SDE2: variants seen among roughly 807,000 people sequenced by gnomAD.
SDE2 encodes the protein spliceosome associated SDE2.
In SDE2, 31 loss-of-function variants were observed where a neutral mutation model predicts 46.9. The observed-to-expected ratio is 0.66, with a 90% CI of 0.50 to 0.89. The LOEUF is 0.89. Ranked by LOEUF, SDE2 falls within the 40% of genes least tolerant of loss-of-function variation. The pLI, the probability that SDE2 is intolerant of heterozygous loss-of-function variation, is 0.00. For missense variants in SDE2, 542 were observed against 564.4 expected (o/e 0.96, Z 0.40); for synonymous variants, 205 against 204.3 (o/e 1.00, Z -0.03).
chr1:225,992,498 C>A lies in SDE2; in HGVS notation c.420G>T (p.Leu140=). ...GCTTGGGTTCTACAAGCTTCCGCTG[C>A]AGTCGCTCCAGCCGCTTCTGCTCCT... is the stretch of plus-strand genomic sequence containing the variant. ...AEKEQKRLER[L]QRKLVEPKHC... is the part of the protein sequence containing the mutation. Residue 140 remains leucine, a synonymous_variant, in exon 4 of 7, where the codon CTG becomes CTT. Coordinates refer to ENST00000272091, the MANE Select transcript of SDE2 (RefSeq NM_152608.4). The A allele has an allele frequency of 2.5e-6, 4 of 1,612,808 alleles. No homozygotes were observed. The highest frequency in any genetic ancestry group is 3.4e-6 in the Non-Finnish European group (4 of 1,179,492).
chr1:225,988,685 C>T (rs979125288), intron 5 of SDE2, among the ~76,000 whole-genome samples: 1 of 152,046 alleles, frequency 6.6e-6, no homozygotes, highest in African/African-American at 2.4e-5. Flanking sequence ...GACGAGATCG[C>T]GCCATTGTAC....
Position 225,995,379 on chromosome 1 carries a change from A to T in SDE2, c.125T>A (p.Val42Asp). Residue 42 changes from valine (V) to aspartate (D), a missense_variant, in exon 2 of 7, where the codon GTT becomes GAT. Physicochemically the swap from Val to Asp is radical, Grantham distance 152. This residue lies in a region of SDE2 where 135 missense variants were observed against 106.5 expected (regional missense o/e 1.27). Transcript: ENST00000272091. ...FIHRHCQDQN[V>D]PVENFFVKCN... ...TTTCACAAAGAAGTTTTCCACTGGA[A>T]CATTCTAGAGACAAATTTGTTTTTT... 1 of 1,575,024 alleles carries T rather than the reference A, an allele frequency of 6.3e-7. No individual in the cohort carries two copies. Among genetic ancestry groups the T allele is most frequent in the Non-Finnish European group, 8.7e-7 (1 of 1,146,156 alleles).
intron 4 of SDE2, among the ~76,000 whole-genome samples, chr1:225,992,180 G>A (rs1365605941): frequency 6.6e-6 from 1 of 151,692 alleles, no homozygotes; most frequent in Non-Finnish European, 1.5e-5. Context: ...ACTCCGTTTT[G>A]GGGGGAAAAA....
intron 6 of SDE2, 87 bp downstream of exon 6, chr1:225,987,809 A>T: frequency 1.7e-6 from 2 of 1,200,924 alleles, no homozygotes; most frequent in South Asian, 3.0e-5. Context: ...TAAGCAGCTG[A>T]GGGGCAAAAG....
In SDE2 at chr1:225,992,877, GGT is replaced by G. The variant is rs749270074; in HGVS notation, c.350+12_350+13del. 2.7e-6 allele frequency: 4 copies of G among 1,472,096 alleles called. No homozygotes were observed. The Admixed American group carries it at 6.7e-5, about 25-fold the overall frequency. 91.2% of individuals were successfully genotyped at this position (1,472,096 alleles called of 1,614,324 possible). A position where few individuals can be genotyped will look rare whatever the true frequency, so the allele number is the denominator to read the frequency against. Reference sequence around the variant, plus strand: ...GTCTCTCCTCAAAAACACAAAAAAAGGTGGGCATCTTACGCTTTTTCATGATT... The same window carrying G: ...GTCTCTCCTCAAAAACACAAAAAAAGGGGCATCTTACGCTTTTTCATGATT... On this transcript the variant is annotated intron_variant, in intron 3 of 6. Transcript: ENST00000272091.
intron 2 of SDE2, among the ~76,000 whole-genome samples, chr1:225,994,773 T>C (rs545296747): frequency 2.2e-4 from 33 of 152,198 alleles, no homozygotes; most frequent in Non-Finnish European, 4.3e-4. Flanking sequence ...GAGCCTAGGT[T>C]CCCTAAGAGC....
chr1:225,998,535 GCTTA>G lies in SDE2; in HGVS notation c.120+654_120+657del, dbSNP rs1470022537. 3.3e-5 allele frequency among the ~76,000 whole-genome samples: 5 copies of G among 152,312 alleles called. No individual in the cohort carries two copies. In the East Asian group the frequency reaches 9.6e-4, roughly 29 times the overall value. The stretch of plus-strand genomic sequence containing the variant: ...GTTTAATATCTTATAGCTGGTAAAA[GCTTA>G]CTTACTTGAAAGTTCAGTAAAAGCT... On this transcript the variant is annotated intron_variant, in intron 1 of 6. Transcript: ENST00000272091.
intron 5 of SDE2, among the ~76,000 whole-genome samples, chr1:225,990,815 A>G (rs1264498808): frequency 1.3e-5 from 2 of 152,198 alleles, no homozygotes; most frequent in Non-Finnish European, 2.9e-5. Flanking sequence ...GACAAGAAAA[A>G]GTACTGCTGT....
In SDE2 at chr1:225,999,284, A is replaced by G. The variant is rs913176329; in HGVS notation, c.29T>C (p.Ile10Thr). The change falls in exon 1 of 7, where the codon ATT (isoleucine) becomes ACT (threonine). Residue 10 changes from isoleucine to threonine, a missense_variant. Physicochemically the swap from Ile to Thr is moderately conservative, Grantham distance 89 (BLOSUM62 -1). Coordinates refer to ENST00000272091, the MANE Select transcript of SDE2 (RefSeq NM_152608.4). ...CTTGCACCCGAAGCCAGGGCCGCGA[A>G]TCCACACCAGCGCCGCGGCCTCCGC... Reference protein sequence around the residue: MAEAAALVWIRGPGFGCKAV... With the variant: MAEAAALVWTRGPGFGCKAV... 1 of 1,612,018 alleles carries G rather than the reference A, an allele frequency of 6.2e-7. No individual in the cohort carries two copies.
Position 225,995,374 on chromosome 1 carries a change from C to A in SDE2, c.130G>T (p.Val44Leu), listed in dbSNP as rs760382345. Residue 44 changes from valine to leucine, a missense_variant, in exon 2 of 7, where the codon GTG becomes TTG. Around this residue, in one of 3 missense-constraint regions of SDE2, gnomAD observed 135 missense variants for 106.5 expected, o/e 1.27. Transcript: ENST00000272091. ...TTGCATTTCACAAAGAAGTTTTCCACTGGAACATTCTAGAGACAAATTTGT... is the reference window on the plus strand; with the variant it reads ...TTGCATTTCACAAAGAAGTTTTCCAATGGAACATTCTAGAGACAAATTTGT... ...HRHCQDQNVP[V>L]ENFFVKCNGA... 1 of 1,584,398 alleles carries A rather than the reference C, an allele frequency of 6.3e-7. No individual in the cohort carries two copies. The highest frequency in any genetic ancestry group is 1.1e-5 in the South Asian group (1 of 90,054).
At chr1:225,997,406 T>C (rs1656553022) in intron 1 of SDE2, among the ~76,000 whole-genome samples, 1 of 152,202 alleles carries the variant, frequency 6.6e-6, no homozygotes, top group Admixed American at 6.5e-5. Flanking sequence ...CTTAAGTTTC[T>C]GACTGAATCC....
chr1:225,990,326 A>G (rs922562972), intron 5 of SDE2, among the ~76,000 whole-genome samples: 44 of 152,294 alleles, frequency 2.9e-4, no homozygotes, highest in African/African-American at 1.0e-3. Context: ...CCTAGAAAAG[A>G]CTAAATCATA....
rs746035959 is a variant in SDE2, at chr1:225,992,509, G to A, written c.409C>T (p.Leu137=). 9.3e-6 allele frequency: 15 copies of A among 1,612,556 alleles called. No homozygotes were observed. The highest frequency in any genetic ancestry group is 1.1e-5 in the Non-Finnish European group (13 of 1,179,732). The change falls in exon 4 of 7, where the codon CTG becomes TTG. Residue 137 remains leucine (L), a synonymous_variant. Transcript: ENST00000272091. ...EREAEKEQKR[L]ERLQRKLVEP... ...ACAAGCTTCCGCTGCAGTCGCTCCAGCCGCTTCTGCTCCTTTTCAGCCTCT... is the reference window on the plus strand; with the variant it reads ...ACAAGCTTCCGCTGCAGTCGCTCCAACCGCTTCTGCTCCTTTTCAGCCTCT...
rs1656158548 is a variant in SDE2 at position 225,982,728 on chromosome 1, T to C, written c.*2574A>G. 6.6e-6 allele frequency: 1 copy of C among 152,142 alleles called. No homozygotes were observed. Among genetic ancestry groups the C allele is most frequent in the Non-Finnish European group, 1.5e-5 (1 of 68,022 alleles). 9.4% of individuals were successfully genotyped at this position (152,142 alleles called of 1,614,324 possible). ...ATGTGAATAAATACAAAAGATTTTA[T>C]TTTTTCCTCTTAATTTCTTTAAAAT... On this transcript the variant is annotated 3_prime_UTR_variant, in exon 7 of 7. Transcript: ENST00000272091.
In SDE2 at chr1:225,996,519, G is replaced by T. The variant is rs149885495; in HGVS notation, c.121-1136C>A. On this transcript the variant is annotated intron_variant, in intron 1 of 6. Coordinates refer to ENST00000272091, the MANE Select transcript of SDE2 (RefSeq NM_152608.4). ...AAGATTCTTGTCAATGAAGTCACAA[G>T]CAGAAAAAAGGATACAACATTTAGA... 8.5e-4 allele frequency among the ~76,000 whole-genome samples: 130 copies of T among 152,162 alleles called. 1 individual carries two copies. The highest frequency in any genetic ancestry group is 3.0e-3 in the African/African-American group (123 of 41,498).
intron 5 of SDE2, 30 bp from the exon 6 acceptor site, chr1:225,988,418 C>A: frequency 1.2e-6 from 2 of 1,607,308 alleles, no homozygotes; most frequent in South Asian, 1.1e-5. Flanking sequence ...GGTTTAACAG[C>A]GTTTGTAGCT....
rs1012093693 is a variant in SDE2 at position 225,982,986 on chromosome 1, A to C, written c.*2316T>G. On this transcript the variant is annotated 3_prime_UTR_variant, in exon 7 of 7. Coordinates refer to ENST00000272091, the MANE Select transcript of SDE2 (RefSeq NM_152608.4). The stretch of plus-strand genomic sequence containing the variant: ...AACATCCAACTTAAAAAAATTATTA[A>C]AACAGTATAGCTAAAGAGCCAATAA... 2.0e-5 allele frequency: 3 copies of C among 152,182 alleles called. No homozygotes were observed. The highest frequency in any genetic ancestry group is 4.4e-5 in the Non-Finnish European group (3 of 68,020). 9.4% of individuals were successfully genotyped at this position (152,182 alleles called of 1,614,324 possible).
intron 4 of SDE2, 35 bp from the exon 5 acceptor site, chr1:225,991,398 T>C (rs777377310): frequency 3.2e-6 from 5 of 1,577,276 alleles, no homozygotes; most frequent in Admixed American, 1.7e-5. Context: ...GTTTCTACTA[T>C]AGGGACTAAG....
Position 225,993,011 on chromosome 1 carries a change from AT to A in SDE2, c.239-10del, listed in dbSNP as rs1558084983. ...GAGCATAGATCCAAAACCTGAGCAG[AT>A]GTATTTGGAGAAAGCAGGTTAAAAT... On this transcript the variant is annotated splice_polypyrimidine_tract_variant and intron_variant, in intron 2 of 6. Transcript: ENST00000272091. 2.7e-6 allele frequency: 4 copies of A among 1,499,834 alleles called. No homozygotes were observed. Among genetic ancestry groups the A allele is most frequent in the Non-Finnish European group, 3.7e-6 (4 of 1,078,346 alleles). 92.9% of individuals were successfully genotyped at this position (1,499,834 alleles called of 1,614,324 possible).
Sources: gnomAD v4.1 joint callset for allele counts (sites outside exome capture counted in the v4.1 genomes callset) on GRCh38, gnomAD v4.1.1 for gene constraint, gnomAD v4.1.1 regional missense constraint, MANE v1.5 for transcripts, NCBI Gene and HGNC (gene_info 2026-07-23, HGNC 2026-07-21) for gene names.